HTR1B: variants seen among roughly 807,000 people sequenced by gnomAD.
HTR1B encodes the protein 5-hydroxytryptamine receptor 1B.
Under a neutral mutation model 25.3 loss-of-function variants are expected in HTR1B, and 12 were observed. The ratio of observed to expected loss-of-function variants is 0.47; its 90% CI spans 0.30 to 0.77. The LOEUF (loss-of-function observed/expected upper bound fraction) is 0.77. Ranked by LOEUF, HTR1B falls within the 30% of genes least tolerant of loss-of-function variation. The probability of loss-of-function intolerance (pLI) is 0.06; values close to 1 mark genes in which losing one functional copy is unlikely to be tolerated. For synonymous variants in HTR1B, 224 were observed against 219.1 expected, an observed-to-expected ratio of 1.02 and a Z score of -0.20; for missense variants, 453 against 503.0, an observed-to-expected ratio of 0.90 and a Z score of 0.95.
rs912890279 is a variant in HTR1B, at chr6:77,461,766, G to C, written c.*465C>G. The C allele has an allele frequency of 7.6e-6, 1 of 131,578 alleles. No homozygotes were observed. Among genetic ancestry groups the C allele is most frequent in the African/African-American group, 2.5e-5 (1 of 39,356 alleles). 8.2% of individuals were successfully genotyped at this position (131,578 alleles called of 1,614,324 possible). A position where few individuals can be genotyped will look rare whatever the true frequency, so the allele number is the denominator to read the frequency against. On this transcript the variant is annotated 3_prime_UTR_variant, in exon 1 of 1. Coordinates refer to ENST00000369947, the MANE Select transcript of HTR1B (RefSeq NM_000863.3). ...TTCTTAAATTAAGCTGTAACACAAA[G>C]TTCTCCCCCCAAAAACACAGGGCAT...
In HTR1B at chr6:77,462,698, G is replaced by T; in HGVS notation, c.706C>A (p.Arg236Ser). 6.2e-7 allele frequency: 1 copy of T among 1,613,754 alleles called. No homozygotes were observed. The highest frequency in any genetic ancestry group is 1.3e-5 in the African/African-American group (1 of 75,038). The change falls in exon 1 of 1, where the codon CGC (arginine) becomes AGC (serine). Residue 236 changes from arginine to serine, a missense_variant. By Grantham distance (110) the Arg-to-Ser change is moderately radical. Transcript: ENST00000369947. This position sits in a 1 kb window ranked among gnomAD's most constrained non-coding sequence, Gnocchi z 4.9. ...ALYGRIYVEA[R>S]SRILKQTPNR... ...GGCGTCTGTTTCAAAATCCGGGAGC[G>T]GGCTTCTACGTAGATGCGGCCATAG...
Position 77,461,027 on chromosome 6 carries a change from T to G in HTR1B, c.*1204A>C, listed in dbSNP as rs148532865. The stretch of plus-strand genomic sequence containing the variant: ...AGATAGTTCTCTTGGTTTCTTTATA[T>G]GTTAGCACACAAGGAATCACAGATG... On this transcript the variant is annotated 3_prime_UTR_variant, in exon 1 of 1. Coordinates refer to ENST00000369947, the MANE Select transcript of HTR1B (RefSeq NM_000863.3). 5.3e-4 allele frequency among the ~76,000 whole-genome samples: 81 copies of G among 152,328 alleles called. No individual in the cohort carries two copies. Among genetic ancestry groups the G allele is most frequent in the Non-Finnish European group, 9.7e-4 (66 of 68,024 alleles).
chr6:77,462,743 TG>T lies in HTR1B; in HGVS notation c.660del (p.Thr221ProfsTer13). 2 of 1,612,992 alleles carry T rather than the reference TG, an allele frequency of 1.2e-6. No individual in the cohort carries two copies. Among genetic ancestry groups the T allele is most frequent in the East Asian group, 4.5e-5 (2 of 44,800 alleles). ...VYSTVGAFYF[P>X]TLLLIALYGR... Reference sequence around the variant, plus strand: ...CCATAGAGGGCGATGAGGAGCAGGGTGGGGAAGTAGAAAGCACCCACCGTGG... The same window carrying T: ...CCATAGAGGGCGATGAGGAGCAGGGTGGGAAGTAGAAAGCACCCACCGTGG... On this transcript the variant is annotated frameshift_variant, in exon 1 of 1. Coordinates refer to ENST00000369947, the MANE Select transcript of HTR1B (RefSeq NM_000863.3). LOFTEE classifies it high-confidence loss of function. The surrounding 1 kb of genome is among the most constrained non-coding windows in gnomAD (Gnocchi z 4.9).
rs112724047 is a variant in HTR1B, at chr6:77,462,562, G to C, written c.842C>G (p.Ser281Cys). The change falls in exon 1 of 1, where the codon TCC becomes TGC. Residue 281 changes from serine (S) to cysteine (C), a missense_variant. Transcript: ENST00000369947. The surrounding 1 kb of genome is among the most constrained non-coding windows in gnomAD (Gnocchi z 4.9). ...NSRVPDVPSE[S>C]GSPVYVNQVK... Reference sequence around the variant, plus strand: ...TTGGTTCACATACACAGGAGATCCGGATTCGCTGGGCACGTCGGGAACCCG... The same window carrying C: ...TTGGTTCACATACACAGGAGATCCGCATTCGCTGGGCACGTCGGGAACCCG... 3.7e-6 allele frequency: 6 copies of C among 1,613,342 alleles called. No individual in the cohort carries two copies. In the African/African-American group the frequency reaches 8.0e-5, roughly 22 times the overall value.
chr6:77,462,670 T>C lies in HTR1B; in HGVS notation c.734A>G (p.Asn245Ser). The part of the protein sequence containing the change: ...ARSRILKQTP[N>S]RTGKRLTRAQ... ...TCGGGTCAAGCGCTTGCCGGTCCTG[T>C]TGGGCGTCTGTTTCAAAATCCGGGA... is the stretch of plus-strand genomic sequence containing the variant. The change falls in exon 1 of 1, where the codon AAC (asparagine) becomes AGC (serine). Residue 245 changes from asparagine (N) to serine (S), a missense_variant. Coordinates refer to ENST00000369947, the MANE Select transcript of HTR1B (RefSeq NM_000863.3). The surrounding 1 kb of genome is among the most constrained non-coding windows in gnomAD (Gnocchi z 4.9). The C allele has an allele frequency of 1.2e-6, 2 of 1,613,414 alleles. No homozygotes were observed. The highest frequency in any genetic ancestry group is 1.7e-6 in the Non-Finnish European group (2 of 1,179,984).
Position 77,463,466 on chromosome 6 carries a change from G to T in HTR1B, c.-63C>A. 7.1e-7 allele frequency: 1 copy of T among 1,404,826 alleles called. No individual in the cohort carries two copies. The highest frequency in any genetic ancestry group is 9.8e-7 in the Non-Finnish European group (1 of 1,022,618). The allele number at this position is 1,404,826 out of a possible 1,614,324, so 87.0% of individuals were successfully genotyped here. A position where few individuals can be genotyped will look rare whatever the true frequency, so the allele number is the denominator to read the frequency against. The stretch of plus-strand genomic sequence containing the variant: ...GCATGGAGCGGACGAAGGAGAGGGC[G>T]GAAGGACCGTGGCGATCGCAGGTTT... On this transcript the variant is annotated 5_prime_UTR_variant, in exon 1 of 1. Coordinates refer to ENST00000369947, the MANE Select transcript of HTR1B (RefSeq NM_000863.3).
In HTR1B at chr6:77,461,833, G is replaced by C; in HGVS notation, c.*398C>G. On this transcript the variant is annotated 3_prime_UTR_variant, in exon 1 of 1. Transcript: ENST00000369947. ...GTACTGCCAGGCTGTATGTAGATCTGTCTCAGACAGGCTTCAGACAACAAT... is the reference window on the plus strand; with the variant it reads ...GTACTGCCAGGCTGTATGTAGATCTCTCTCAGACAGGCTTCAGACAACAAT... The C allele has an allele frequency of 5.5e-6, 1 of 182,134 alleles. No individual in the cohort carries two copies. The highest frequency in any genetic ancestry group is 1.3e-4 in the South Asian group (1 of 7,854). 11.3% of individuals were successfully genotyped at this position (182,134 alleles called of 1,614,324 possible).
rs755028939 is a variant in HTR1B, at chr6:77,461,905, G to A, written c.*326C>T. On this transcript the variant is annotated 3_prime_UTR_variant, in exon 1 of 1. Coordinates refer to ENST00000369947, the MANE Select transcript of HTR1B (RefSeq NM_000863.3). ...GGGCATTATCCACGATACCAAAGCA[G>A]GGCAGGGATTCCCTTCCATTATCAA... is the stretch of plus-strand genomic sequence containing the variant. The A allele has an allele frequency of 2.4e-5, 7 of 286,246 alleles. No individual in the cohort carries two copies. The highest frequency in any genetic ancestry group is 4.0e-5 in the Non-Finnish European group (6 of 151,118). The allele number at this position is 286,246 out of a possible 1,614,324, so 17.7% of individuals were successfully genotyped here. A position where few individuals can be genotyped will look rare whatever the true frequency, so the allele number is the denominator to read the frequency against.
Position 77,463,076 on chromosome 6 carries a change from T to C in HTR1B, c.328A>G (p.Thr110Ala). Residue 110 changes from threonine (T) to alanine (A), a missense_variant, in exon 1 of 1, where the codon ACT (threonine) becomes GCT (alanine). By Grantham distance (58) the Thr-to-Ala change is moderately conservative (BLOSUM62 0). Coordinates refer to ENST00000369947, the MANE Select transcript of HTR1B (RefSeq NM_000863.3). ...CCCAGTGTCCAGCGGCCGGTGACAG[T>C]GTACATGGTGCTGATGGGCATCACC... is the stretch of plus-strand genomic sequence containing the variant. ...ILVMPISTMY[T>A]VTGRWTLGQV... 6.2e-7 allele frequency: 1 copy of C among 1,614,110 alleles called. No individual in the cohort carries two copies. Among genetic ancestry groups the C allele is most frequent in the South Asian group, 1.1e-5 (1 of 91,082 alleles).
Position 77,462,078 on chromosome 6 carries a change from A to C in HTR1B, c.*153T>G. The C allele has an allele frequency of 1.5e-5, 9 of 617,264 alleles. No homozygotes were observed. The South Asian group carries it at 1.8e-4, about 12-fold the overall frequency. 38.2% of individuals were successfully genotyped at this position (617,264 alleles called of 1,614,324 possible). On this transcript the variant is annotated 3_prime_UTR_variant, in exon 1 of 1. Coordinates refer to ENST00000369947, the MANE Select transcript of HTR1B (RefSeq NM_000863.3). The surrounding 1 kb of genome is among the most constrained non-coding windows in gnomAD (Gnocchi z 4.9). ...TCTCCTTTCAGAGCTCTCTCTCAGG[A>C]CTATTCTGGCTTCTCAGGATCCATT... is the stretch of plus-strand genomic sequence containing the variant.
rs199938711 is a variant in HTR1B at position 77,463,416 on chromosome 6, C to T, written c.-13G>A. On this transcript the variant is annotated 5_prime_UTR_variant, in exon 1 of 1. Coordinates refer to ENST00000369947, the MANE Select transcript of HTR1B (RefSeq NM_000863.3). ...CCGGTTCCTCCATGGCTCTCCTCGCCCCAGCTCCGGAGCGCAGCTCTTGGG... is the reference window on the plus strand; with the variant it reads ...CCGGTTCCTCCATGGCTCTCCTCGCTCCAGCTCCGGAGCGCAGCTCTTGGG... 135 of 1,603,406 alleles carry T rather than the reference C, an allele frequency of 8.4e-5. 1 individual carries two copies. The South Asian group carries it at 1.2e-3, about 14-fold the overall frequency.
Position 77,463,475 on chromosome 6 carries a change from G to T in HTR1B, c.-72C>A. ...GGACGAAGGAGAGGGCGGAAGGACCGTGGCGATCGCAGGTTTGTCCCCAGT... is the reference window on the plus strand; with the variant it reads ...GGACGAAGGAGAGGGCGGAAGGACCTTGGCGATCGCAGGTTTGTCCCCAGT... On this transcript the variant is annotated 5_prime_UTR_variant, in exon 1 of 1. Transcript: ENST00000369947. 7.6e-7 allele frequency: 1 copy of T among 1,311,930 alleles called. No homozygotes were observed. Among genetic ancestry groups the T allele is most frequent in the Non-Finnish European group, 1.1e-6 (1 of 945,596 alleles). 81.3% of individuals were successfully genotyped at this position (1,311,930 alleles called of 1,614,324 possible). A position where few individuals can be genotyped will look rare whatever the true frequency, so the allele number is the denominator to read the frequency against.
At position 77,462,003 on chromosome 6, in the gene HTR1B, G is replaced by A. The variant is rs1355731675; in HGVS notation, c.*228C>T. The A allele has an allele frequency of 1.9e-6, 1 of 520,988 alleles. No homozygotes were observed. The highest frequency in any genetic ancestry group is 1.9e-5 in the African/African-American group (1 of 52,472). 32.3% of individuals were successfully genotyped at this position (520,988 alleles called of 1,614,324 possible). ...TGCTGAGCCCGGGGCTTGAGGGGAG[G>A]AAGTGAGCCTCCTCCTGGGCAGGGA... is the stretch of plus-strand genomic sequence containing the variant. On this transcript the variant is annotated 3_prime_UTR_variant, in exon 1 of 1. Coordinates refer to ENST00000369947, the MANE Select transcript of HTR1B (RefSeq NM_000863.3). This position sits in a 1 kb window ranked among gnomAD's most constrained non-coding sequence, Gnocchi z 4.9.
chr6:77,463,047 C>T lies in HTR1B; in HGVS notation c.357G>A (p.Gln119=). The change falls in exon 1 of 1, where the codon CAG becomes CAA. Residue 119 remains glutamine, a synonymous_variant. Coordinates refer to ENST00000369947, the MANE Select transcript of HTR1B (RefSeq NM_000863.3). The part of the protein sequence containing the change: ...YTVTGRWTLG[Q]VVCDFWLSSD... ...ACGACAGCCAGAAGTCACAGACCAC[C>T]TGGCCCAGTGTCCAGCGGCCGGTGA... 1 of 1,614,208 alleles carries T rather than the reference C, an allele frequency of 6.2e-7. No individual in the cohort carries two copies.
In HTR1B at chr6:77,462,407, T is replaced by C; in HGVS notation, c.997A>G (p.Ile333Val). 6.2e-7 allele frequency: 1 copy of C among 1,613,922 alleles called. No homozygotes were observed. Among genetic ancestry groups the C allele is most frequent in the South Asian group, 1.1e-5 (1 of 91,072 alleles). ...FIVCWLPFFI[I>V]SLVMPICKDA... ...TTGCAGATAGGCATCACTAGGGAGATGATGAAGAAGGGTAGCCAACACACA... is the reference window on the plus strand; with the variant it reads ...TTGCAGATAGGCATCACTAGGGAGACGATGAAGAAGGGTAGCCAACACACA... The change falls in exon 1 of 1, where the codon ATC (isoleucine) becomes GTC (valine). Residue 333 changes from isoleucine to valine, a missense_variant. Transcript: ENST00000369947. This position sits in a 1 kb window ranked among gnomAD's most constrained non-coding sequence, Gnocchi z 4.9.
Position 77,462,718 on chromosome 6 carries a change from C to A in HTR1B, c.686G>T (p.Gly229Val), listed in dbSNP as rs1464558072. The A allele has an allele frequency of 6.2e-7, 1 of 1,613,804 alleles. No individual in the cohort carries two copies. Among genetic ancestry groups the A allele is most frequent in the Non-Finnish European group, 8.5e-7 (1 of 1,180,022 alleles). Residue 229 changes from glycine (G) to valine (V), a missense_variant, in exon 1 of 1, where the codon GGC becomes GTC. Physicochemically the swap from Gly to Val is moderately radical, Grantham distance 109. Around this residue, in one of 3 missense-constraint regions of HTR1B, gnomAD observed 289 missense variants for 319.6 expected, o/e 0.90. Coordinates refer to ENST00000369947, the MANE Select transcript of HTR1B (RefSeq NM_000863.3). This position sits in a 1 kb window ranked among gnomAD's most constrained non-coding sequence, Gnocchi z 4.9. Reference sequence around the variant, plus strand: ...GGAGCGGGCTTCTACGTAGATGCGGCCATAGAGGGCGATGAGGAGCAGGGT... The same window carrying A: ...GGAGCGGGCTTCTACGTAGATGCGGACATAGAGGGCGATGAGGAGCAGGGT... ...FPTLLLIALY[G>V]RIYVEARSRI... is the part of the protein sequence containing the mutation.
At position 77,461,925 on chromosome 6, in the gene HTR1B, T is replaced by G. The variant is rs550860050; in HGVS notation, c.*306A>C. ...AAGCAGGGCAGGGATTCCCTTCCATTATCAATTTTTAAAAGTTGCAACCCC... is the reference window on the plus strand; with the variant it reads ...AAGCAGGGCAGGGATTCCCTTCCATGATCAATTTTTAAAAGTTGCAACCCC... On this transcript the variant is annotated 3_prime_UTR_variant, in exon 1 of 1. Coordinates refer to ENST00000369947, the MANE Select transcript of HTR1B (RefSeq NM_000863.3). The G allele has an allele frequency of 3.2e-5, 10 of 308,910 alleles. No individual in the cohort carries two copies. Among genetic ancestry groups the G allele is most frequent in the African/African-American group, 1.7e-4 (8 of 46,958 alleles). The allele number at this position is 308,910 out of a possible 1,614,324, so 19.1% of individuals were successfully genotyped here.
At position 77,462,440 on chromosome 6, in the gene HTR1B, C is replaced by T; in HGVS notation, c.964G>A (p.Ala322Thr). 6.2e-7 allele frequency: 1 copy of T among 1,614,006 alleles called. No homozygotes were observed. The highest frequency in any genetic ancestry group is 8.5e-7 in the Non-Finnish European group (1 of 1,179,998). ...AAGGGTAGCCAACACACAATAAAGG[C>T]TCCCAAAATGATCCCTAGGGTCTTG... ...ATKTLGIILG[A>T]FIVCWLPFFI... The change falls in exon 1 of 1, where the codon GCC becomes ACC. Residue 322 changes from alanine (A) to threonine (T), a missense_variant. Around this residue, in one of 3 missense-constraint regions of HTR1B, gnomAD observed 289 missense variants for 319.6 expected, o/e 0.90. Transcript: ENST00000369947. The surrounding 1 kb of genome is among the most constrained non-coding windows in gnomAD (Gnocchi z 4.9).
In HTR1B at chr6:77,462,892, G is replaced by T; in HGVS notation, c.512C>A (p.Ala171Glu). Residue 171 changes from alanine (A) to glutamate (E), a missense_variant, in exon 1 of 1, where the codon GCG becomes GAG. This residue lies in a region of HTR1B where 289 missense variants were observed against 319.6 expected (regional missense o/e 0.90). Transcript: ENST00000369947. The surrounding 1 kb of genome is among the most constrained non-coding windows in gnomAD (Gnocchi z 4.9). ...AGAGATGGAGAAGACCCACACCAGC[G>T]CGATCATGACCGCCGCCCTCTTGGG... ...RTPKRAAVMI[A>E]LVWVFSISIS... The T allele has an allele frequency of 6.2e-7, 1 of 1,614,002 alleles. No individual in the cohort carries two copies. Among genetic ancestry groups the T allele is most frequent in the Non-Finnish European group, 8.5e-7 (1 of 1,180,040 alleles).
Sources: allele counts gnomAD v4.1 joint callset (sites outside exome capture counted in the v4.1 genomes callset), GRCh38; gene constraint gnomAD v4.1.1; regional missense constraint gnomAD v4.1.1; non-coding constraint Gnocchi (gnomAD v3.1); transcripts MANE v1.5; gene names NCBI Gene and HGNC (gene_info 2026-07-23, HGNC 2026-07-21).